Variants in PDE4B observed in about 807,000 individuals in gnomAD.
PDE4B encodes the protein phosphodiesterase 4B, also known as 3',5'-cyclic-AMP phosphodiesterase 4B.
In PDE4B, 20 loss-of-function variants were observed where a neutral mutation model predicts 82.2. That is an observed-to-expected ratio of 0.24 (90% CI 0.17 to 0.35). PDE4B has a LOEUF of 0.35. Ranked by LOEUF, PDE4B falls within the 10% of genes least tolerant of loss-of-function variation. The pLI is 1.00. For missense variants in PDE4B, 655 were observed against 907.2 expected (o/e 0.72, Z 3.57); for synonymous variants, 320 against 318.9 (o/e 1.00, Z -0.04).
chr1:65,821,956 A>G (rs1040894992), intron 1 of PDE4B, among the ~76,000 whole-genome samples: 1 of 152,236 alleles, frequency 6.6e-6, no homozygotes, highest in African/African-American at 2.4e-5. Flanking sequence ...AGCTCAGAAA[A>G]ACAGAACGTT....
chr1:66,164,848 C>T (rs1646697471), intron 3 of PDE4B, among the ~76,000 whole-genome samples: 1 of 150,326 alleles, frequency 6.7e-6, no homozygotes, highest in Admixed American at 6.6e-5. Flanking sequence ...AAGCAAGCTC[C>T]ACCTCCCGGG....
At position 65,947,091 on chromosome 1, in the gene PDE4B, C is replaced by A. The variant is rs374012068; in HGVS notation, c.281+28256C>A. 5.7e-4 allele frequency among the ~76,000 whole-genome samples: 87 copies of A among 152,082 alleles called. 2 individuals carry two copies. In the South Asian group the frequency reaches 0.012, roughly 20 times the overall value. ...TGCACATCAGGCACGGTTAACATGA[C>A]ATCCTCAATATAGTGGACCAGTGTG... is the stretch of plus-strand genomic sequence containing the variant. On this transcript the variant is annotated intron_variant, in intron 3 of 16. Coordinates refer to ENST00000341517, the MANE Select transcript of PDE4B (RefSeq NM_002600.4).
intron 2 of PDE4B, among the ~76,000 whole-genome samples, chr1:65,918,295 T>A (rs977035183): frequency 9.9e-5 from 15 of 152,190 alleles, no homozygotes; most frequent in African/African-American, 3.4e-4. Flanking sequence ...TAGCAACTTA[T>A]GAAAAAAATT....
intron 1 of PDE4B, among the ~76,000 whole-genome samples, chr1:65,877,331 G>A (rs1646656393): frequency 6.6e-6 from 1 of 152,128 alleles, no homozygotes; most frequent in Non-Finnish European, 1.5e-5. Context: ...AAATGGTGCT[G>A]GGGGCCGGGT....
chr1:65,981,840 T>A (rs2503196), intron 3 of PDE4B, among the ~76,000 whole-genome samples: 10 of 151,770 alleles, frequency 6.6e-5, no homozygotes, highest in East Asian at 1.9e-4. Flanking sequence ...TCTTTCTGCC[T>A]TCCCCCCAAG....
chr1:66,215,580 G>C (rs1362728127), intron 3 of PDE4B, among the ~76,000 whole-genome samples: 1 of 152,098 alleles, frequency 6.6e-6, no homozygotes, highest in African/African-American at 2.4e-5. Flanking sequence ...CTGTACAAGG[G>C]CTTAGATTCC....
intron 1 of PDE4B, among the ~76,000 whole-genome samples, chr1:65,814,965 A>G (rs188974242): frequency 6.6e-6 from 1 of 151,916 alleles, no homozygotes; most frequent in East Asian, 1.9e-4. Context: ...TGGCTATGCA[A>G]AAATTATTGC....
intron 3 of PDE4B, chr1:65,992,887 G>T: frequency 6.2e-7 from 1 of 1,610,394 alleles, no homozygotes. Context: ...GATGGTGAAA[G>T]CTAGCACTCC....
intron 3 of PDE4B, among the ~76,000 whole-genome samples, chr1:65,996,384 G>A (rs1293903346): frequency 6.6e-6 from 1 of 151,462 alleles, no homozygotes; most frequent in Non-Finnish European, 1.5e-5. Context: ...TAATAAAAAA[G>A]ATGCGTAAGA....
chr1:66,281,187 C>A (rs1176730900), intron 7 of PDE4B, among the ~76,000 whole-genome samples: 3 of 152,240 alleles, frequency 2.0e-5, no homozygotes, highest in Non-Finnish European at 2.9e-5. Flanking sequence ...TCTGCTTCTG[C>A]AGAAGTGGAA....
chr1:66,109,145 C>T (rs991693933), intron 3 of PDE4B, among the ~76,000 whole-genome samples: 5 of 151,820 alleles, frequency 3.3e-5, no homozygotes, highest in African/African-American at 1.2e-4. Flanking sequence ...TGTATAATGC[C>T]ATGGTACAGA....
intron 3 of PDE4B, among the ~76,000 whole-genome samples, chr1:66,057,340 A>G (rs998063984): frequency 6.6e-6 from 1 of 152,200 alleles, no homozygotes; most frequent in African/African-American, 2.4e-5. Flanking sequence ...GCTAAAAAGG[A>G]GGAAATACTA....
chr1:66,065,602 G>T (rs1655803198), intron 3 of PDE4B, among the ~76,000 whole-genome samples: 1 of 151,740 alleles, frequency 6.6e-6, no homozygotes, highest in African/African-American at 2.4e-5. Flanking sequence ...TCTGTGGTGT[G>T]ATTACAAAAT....
intron 8 of PDE4B, among the ~76,000 whole-genome samples, chr1:66,354,180 T>C: frequency 6.6e-6 from 1 of 152,162 alleles, no homozygotes; most frequent in Non-Finnish European, 1.5e-5. Context: ...CTAACCTTTT[T>C]TAAATGTTTG....
chr1:65,802,421 G>A (rs570992474), intron 1 of PDE4B, among the ~76,000 whole-genome samples: 6 of 152,230 alleles, frequency 3.9e-5, no homozygotes, highest in Admixed American at 3.9e-4. Context: ...TTTTAATAAG[G>A]AAAATATTAG....
intron 3 of PDE4B, among the ~76,000 whole-genome samples, chr1:65,919,919 A>G (rs1315334956): frequency 6.6e-6 from 1 of 152,238 alleles, no homozygotes. Flanking sequence ...ATATTTAATC[A>G]GACAATCTGT....
chr1:66,202,606 CTTCT>C (rs1649090568), intron 3 of PDE4B, among the ~76,000 whole-genome samples: 1 of 151,068 alleles, frequency 6.6e-6, no homozygotes, highest in Non-Finnish European at 1.5e-5. Flanking sequence ...ATGTAATGGC[CTTCT>C]TTGTCTCTTT....
In PDE4B at chr1:66,363,361, T is replaced by C. The variant is rs141799863; in HGVS notation, c.1120-46T>C. 3.7e-5 allele frequency: 58 copies of C among 1,570,206 alleles called. No individual in the cohort carries two copies. In the African/African-American group the frequency reaches 6.7e-4, roughly 18 times the overall value. On this transcript the variant is annotated intron_variant, in intron 11 of 16. Coordinates refer to ENST00000341517, the MANE Select transcript of PDE4B (RefSeq NM_002600.4). ...CTTTTCTGATTTAACTTTCCTCGAC[T>C]TTTGGACATCTACTTATTTATGTTC...
chr1:66,185,533 C>T (rs995562888), intron 3 of PDE4B, among the ~76,000 whole-genome samples: 4 of 151,932 alleles, frequency 2.6e-5, no homozygotes, highest in South Asian at 4.2e-4. Context: ...GATTGCCATT[C>T]TAACTGGTGT....
Sources: allele counts gnomAD v4.1 joint callset (sites outside exome capture counted in the v4.1 genomes callset), GRCh38; gene constraint gnomAD v4.1.1; transcripts MANE v1.5; gene names NCBI Gene and HGNC (gene_info 2026-07-23, HGNC 2026-07-21).